Variants in EPHA6 observed in about 807,000 individuals in gnomAD.
EPHA6 encodes the protein EPH receptor A6.
In EPHA6, 50 loss-of-function variants were observed where a neutral mutation model predicts 112.0. That is an observed-to-expected ratio of 0.45 (90% CI 0.36 to 0.56). EPHA6 has a LOEUF of 0.56. Ranked by LOEUF, EPHA6 falls within the 20% of genes least tolerant of loss-of-function variation. The probability of loss-of-function intolerance (pLI) is 0.00; values close to 1 mark genes in which losing one functional copy is unlikely to be tolerated. For synonymous variants in EPHA6, 529 were observed against 490.7 expected, an observed-to-expected ratio of 1.08 and a Z score of -1.03; for missense variants, 1,280 against 1,417.4, an observed-to-expected ratio of 0.90 and a Z score of 1.56.
At chr3:97,538,176 C>T (rs973996425) in intron 11 of EPHA6, among the ~76,000 whole-genome samples, 1 of 151,882 alleles carries the variant, frequency 6.6e-6, no homozygotes, top group Non-Finnish European at 1.5e-5. Context: ...TATAAGGAGG[C>T]TAGTGTAGTA....
intron 3 of EPHA6, among the ~76,000 whole-genome samples, chr3:97,196,164 T>A (rs2077436251): frequency 6.6e-6 from 1 of 151,428 alleles, no homozygotes; most frequent in South Asian, 2.1e-4. Flanking sequence ...GCATTCTTCC[T>A]TGTTTTTTTT....
intron 3 of EPHA6, among the ~76,000 whole-genome samples, chr3:97,056,059 T>C (rs1466037796): frequency 1.3e-5 from 2 of 151,946 alleles, no homozygotes; most frequent in Non-Finnish European, 2.9e-5. Flanking sequence ...TTAATATTAC[T>C]GTAACCAGAA....
At chr3:97,109,001 C>A (rs1051919235) in intron 3 of EPHA6, among the ~76,000 whole-genome samples, 3 of 152,144 alleles carry the variant, frequency 2.0e-5, no homozygotes, top group Non-Finnish European at 4.4e-5. Flanking sequence ...GCCAGAGTGA[C>A]AGATGGCAGG....
At chr3:96,889,320 A>C (rs1218708987) in intron 2 of EPHA6, among the ~76,000 whole-genome samples, 2 of 152,030 alleles carry the variant, frequency 1.3e-5, no homozygotes, top group African/African-American at 4.8e-5. Context: ...ACCCCACTCT[A>C]CAGGTATCAA....
rs929218566 is a variant in EPHA6, at chr3:97,265,204, A to G, written c.1606+20917A>G. On this transcript the variant is annotated intron_variant, in intron 5 of 17. Coordinates refer to ENST00000389672, the MANE Select transcript of EPHA6 (RefSeq NM_001080448.3). Reference sequence around the variant, plus strand: ...CCCAAAAAAGGTATCACAAGTTCCCACTCTGGTCCACGGGACTGGAAGCCC... The same window carrying G: ...CCCAAAAAAGGTATCACAAGTTCCCGCTCTGGTCCACGGGACTGGAAGCCC... Among the ~76,000 whole-genome samples the G allele has an allele frequency of 2.0e-5, 3 of 151,856 alleles. No homozygotes were observed. In the South Asian group the frequency reaches 6.2e-4, roughly 32 times the overall value.
chr3:96,868,066 A>G (rs1411756393), intron 2 of EPHA6, among the ~76,000 whole-genome samples: 1 of 151,888 alleles, frequency 6.6e-6, no homozygotes, highest in Non-Finnish European at 1.5e-5. Context: ...ATTAAAATGA[A>G]TAAACATTCG....
At chr3:97,535,459 G>T (rs2092750246) in intron 11 of EPHA6, among the ~76,000 whole-genome samples, 1 of 152,090 alleles carries the variant, frequency 6.6e-6, no homozygotes, top group Admixed American at 6.6e-5. Flanking sequence ...GAGCTACCAA[G>T]GTGGGTTGTA....
chr3:96,822,323 T>A (rs2033323443), intron 1 of EPHA6, among the ~76,000 whole-genome samples: 1 of 151,934 alleles, frequency 6.6e-6, no homozygotes, highest in South Asian at 2.1e-4. Context: ...AAGTTTCCAA[T>A]TTCAAATCGT....
At chr3:97,676,020 C>A (rs187075377) in intron 14 of EPHA6, among the ~76,000 whole-genome samples, 2 of 151,992 alleles carry the variant, frequency 1.3e-5, no homozygotes, top group South Asian at 4.2e-4. Flanking sequence ...GAGGAGCAGT[C>A]GTAGAGGGGG....
intron 3 of EPHA6, among the ~76,000 whole-genome samples, chr3:97,056,291 C>G (rs1298511549): frequency 7.2e-5 from 11 of 152,108 alleles, no homozygotes; most frequent in Non-Finnish European, 1.5e-4. Flanking sequence ...TTCATACTGC[C>G]CCCTTCGCTC....
At chr3:97,462,871 AC>A (rs2090934273) in intron 7 of EPHA6, among the ~76,000 whole-genome samples, 1 of 152,102 alleles carries the variant, frequency 6.6e-6, no homozygotes, top group African/African-American at 2.4e-5. Context: ...CACCAAAAAG[AC>A]TTGGGGCTTT....
chr3:97,544,241 C>A (rs1312581949), intron 11 of EPHA6, among the ~76,000 whole-genome samples: 1 of 152,018 alleles, frequency 6.6e-6, no homozygotes, highest in African/African-American at 2.4e-5. Flanking sequence ...TCATAGATAG[C>A]TCTTATTATT....
chr3:97,717,854 A>AAAT (rs1221224472), intron 14 of EPHA6, among the ~76,000 whole-genome samples: 2 of 152,222 alleles, frequency 1.3e-5, no homozygotes. Context: ...AAATTATTCA[A>AAAT]AATATAAATT....
intron 15 of EPHA6, among the ~76,000 whole-genome samples, chr3:97,724,048 A>G (rs1297142867): frequency 1.3e-5 from 2 of 152,226 alleles, no homozygotes; most frequent in African/African-American, 2.4e-5. Context: ...AATGTGATAG[A>G]CAATACAAAT....
chr3:96,971,933 C>T (rs1244479676), intron 2 of EPHA6, among the ~76,000 whole-genome samples: 1 of 152,034 alleles, frequency 6.6e-6, no homozygotes, highest in Non-Finnish European at 1.5e-5. Flanking sequence ...TTGGCATATA[C>T]TACAAAACAT....
intron 7 of EPHA6, among the ~76,000 whole-genome samples, chr3:97,448,967 TAC>T (rs939874787): frequency 6.6e-6 from 1 of 152,176 alleles, no homozygotes; most frequent in Non-Finnish European, 1.5e-5. Flanking sequence ...TTTATGCTAT[TAC>T]ACAGAGTCTC....
At chr3:97,265,485 T>G (rs1048929168) in intron 5 of EPHA6, among the ~76,000 whole-genome samples, 1 of 152,272 alleles carries the variant, frequency 6.6e-6, no homozygotes, top group African/African-American at 2.4e-5. Context: ...CCGGCAGGGC[T>G]GTGACAGCGC....
intron 3 of EPHA6, among the ~76,000 whole-genome samples, chr3:97,140,122 CT>C (rs2108350130): frequency 6.6e-6 from 1 of 151,680 alleles, no homozygotes; most frequent in Non-Finnish European, 1.5e-5. Context: ...GAAGGCAAAT[CT>C]TTTGAATTAA....
chr3:97,535,494 G>A (rs888691886), intron 11 of EPHA6, among the ~76,000 whole-genome samples: 1 of 152,028 alleles, frequency 6.6e-6, no homozygotes, highest in African/African-American at 2.4e-5. Flanking sequence ...AATAATCCTC[G>A]TAAAGATAAA....
Sources: gnomAD v4.1 joint callset for allele counts (sites outside exome capture counted in the v4.1 genomes callset) on GRCh38, gnomAD v4.1.1 for gene constraint, MANE v1.5 for transcripts, NCBI Gene and HGNC (gene_info 2026-07-23, HGNC 2026-07-21) for gene names.